Variants in SH3PXD2A observed in about 807,000 individuals in gnomAD.
SH3PXD2A encodes SH3 and PX domain-containing protein 2A.
In SH3PXD2A, 32 loss-of-function variants were observed where a neutral mutation model predicts 115.2. The observed-to-expected ratio is 0.28, with a 90% CI of 0.21 to 0.37. The LOEUF is 0.37. SH3PXD2A is among the 10% of genes least tolerant of loss of function. The probability of loss-of-function intolerance (pLI) is 1.00; values close to 1 mark genes in which losing one functional copy is unlikely to be tolerated. For missense variants in SH3PXD2A, 1,328 were observed against 1,498.7 expected, an observed-to-expected ratio of 0.89 and a Z score of 1.88; for synonymous variants, 610 against 629.1, an observed-to-expected ratio of 0.97 and a Z score of 0.45.
chr10:103,810,149 T>C (rs1488722639), intron 1 of SH3PXD2A, among the ~76,000 whole-genome samples: 3 of 152,192 alleles, frequency 2.0e-5, no homozygotes, highest in African/African-American at 7.2e-5. Flanking sequence ...CTGTGTCTCC[T>C]TGTTAGAATG....
intron 1 of SH3PXD2A, among the ~76,000 whole-genome samples, chr10:103,803,013 C>A (rs1445416202): frequency 2.6e-5 from 4 of 152,334 alleles, no homozygotes; most frequent in South Asian, 2.1e-4. Flanking sequence ...GCCCACCTCC[C>A]AGGTGCCTGG....
chr10:103,607,879 T>C (rs896472338), intron 13 of SH3PXD2A, among the ~76,000 whole-genome samples: 8 of 151,984 alleles, frequency 5.3e-5, no homozygotes, highest in East Asian at 1.9e-4. Flanking sequence ...CTGAAACATG[T>C]GCTGTGTCCA....
intron 8 of SH3PXD2A, among the ~76,000 whole-genome samples, chr10:103,637,005 T>C (rs1044012079): frequency 6.6e-6 from 1 of 152,196 alleles, no homozygotes; most frequent in Non-Finnish European, 1.5e-5. Flanking sequence ...GGATGCCCAG[T>C]GGCATCAGGA....
At chr10:103,804,986 C>T (rs1047926559) in intron 1 of SH3PXD2A, among the ~76,000 whole-genome samples, 6 of 152,178 alleles carry the variant, frequency 3.9e-5, no homozygotes, top group Admixed American at 3.3e-4. Context: ...CTGACCTCCA[C>T]CCCAGGAGCT....
chr10:103,750,790 T>C (rs2038568560), intron 3 of SH3PXD2A, among the ~76,000 whole-genome samples: 1 of 152,092 alleles, frequency 6.6e-6, no homozygotes, highest in African/African-American at 2.4e-5. Flanking sequence ...GGGCTTTTTT[T>C]GTTTCTTTTA....
chr10:103,632,230 C>T (rs894388045), intron 8 of SH3PXD2A, among the ~76,000 whole-genome samples: 5 of 152,176 alleles, frequency 3.3e-5, no homozygotes, highest in Admixed American at 3.3e-4. Context: ...TCTACCACTG[C>T]ACTCTCAGAT....
At chr10:103,768,952 G>C (rs1434333337) in intron 2 of SH3PXD2A, among the ~76,000 whole-genome samples, 2 of 152,008 alleles carry the variant, frequency 1.3e-5, no homozygotes, top group Non-Finnish European at 2.9e-5. Context: ...GAGGCGCCAG[G>C]CTCTTTTTAA....
chr10:103,824,105 C>T (rs754368328), intron 1 of SH3PXD2A, among the ~76,000 whole-genome samples: 13 of 152,200 alleles, frequency 8.5e-5, no homozygotes, highest in Non-Finnish European at 1.8e-4. Context: ...TGACCTGGCA[C>T]TCCCCTGGGA....
chr10:103,803,945 G>C (rs1281249951), intron 1 of SH3PXD2A, among the ~76,000 whole-genome samples: 1 of 152,134 alleles, frequency 6.6e-6, no homozygotes, highest in East Asian at 1.9e-4. Flanking sequence ...TCTAAGTCGG[G>C]GACGAGGGGC....
chr10:103,651,570 C>T (rs1405729219), intron 8 of SH3PXD2A, among the ~76,000 whole-genome samples: 4 of 152,220 alleles, frequency 2.6e-5, no homozygotes, highest in African/African-American at 7.2e-5. Flanking sequence ...GAAGCTCATG[C>T]CCCACCTCCC....
intron 1 of SH3PXD2A, among the ~76,000 whole-genome samples, chr10:103,824,666 G>C (rs2134294929): frequency 6.6e-6 from 1 of 152,250 alleles, no homozygotes; most frequent in South Asian, 2.1e-4. Flanking sequence ...CTGGTGACCA[G>C]TCCTGTGTCT....
chr10:103,657,905 C>T (rs139672946), intron 8 of SH3PXD2A, among the ~76,000 whole-genome samples: 130 of 152,358 alleles, frequency 8.5e-4, no homozygotes, highest in Non-Finnish European at 1.3e-3. Context: ...ACTTGGACTT[C>T]TACCCTTCCC....
intron 1 of SH3PXD2A, among the ~76,000 whole-genome samples, chr10:103,851,459 C>A (rs1842896147): frequency 6.6e-6 from 1 of 152,160 alleles, no homozygotes; most frequent in Non-Finnish European, 1.5e-5. Flanking sequence ...GCTCTGTCAC[C>A]ATGGAACAGG....
intron 2 of SH3PXD2A, among the ~76,000 whole-genome samples, chr10:103,776,347 C>G (rs533722768): frequency 1.4e-5 from 2 of 147,308 alleles, no homozygotes; most frequent in East Asian, 4.0e-4. Context: ...GAGCCATGAT[C>G]ATGCCACTGC....
chr10:103,712,066 GAAAGAAAATAACCCC>G (rs2038053468), intron 5 of SH3PXD2A, among the ~76,000 whole-genome samples: 1 of 151,268 alleles, frequency 6.6e-6, no homozygotes, highest in East Asian at 1.9e-4. Context: ...AAAAAAAAAG[GAAAGAAAATAACCCC>G]AAAACCTCCC....
intron 2 of SH3PXD2A, 88 bp from the exon 3 acceptor site, chr10:103,767,257 G>A: frequency 1.0e-6 from 1 of 968,346 alleles, no homozygotes; most frequent in South Asian, 1.4e-5. Context: ...CTGCTCCAGG[G>A]CCCCAGTGTC....
chr10:103,800,998 C>T (rs2039141193), intron 2 of SH3PXD2A, among the ~76,000 whole-genome samples: 1 of 152,210 alleles, frequency 6.6e-6, no homozygotes, highest in Non-Finnish European at 1.5e-5. Context: ...CACCATCCTC[C>T]CGCCTCTTCA....
chr10:103,831,638 C>CA (rs2039483582), intron 1 of SH3PXD2A, among the ~76,000 whole-genome samples: 1 of 152,178 alleles, frequency 6.6e-6, no homozygotes, highest in Admixed American at 6.5e-5. Flanking sequence ...TGGGCAACAT[C>CA]ATAAGACTCA....
chr10:103,822,873 C>A (rs768570385), intron 1 of SH3PXD2A, among the ~76,000 whole-genome samples: 84 of 152,320 alleles, frequency 5.5e-4, no homozygotes, highest in Non-Finnish European at 4.1e-4. Context: ...TCATGTGTAA[C>A]TGAAAAAAGC....
Sources: allele counts gnomAD v4.1 joint callset (sites outside exome capture counted in the v4.1 genomes callset), GRCh38; gene constraint gnomAD v4.1.1; transcripts MANE v1.5; gene names NCBI Gene and HGNC (gene_info 2026-07-23, HGNC 2026-07-21).